The following PPIL6 variants were observed in gnomAD, a reference collection of about 807,000 sequenced individuals.
PPIL6 encodes the protein peptidylprolyl isomerase like 6.
A neutral mutation model predicts 36.8 loss-of-function variants in PPIL6; 39 were observed. That is an observed-to-expected ratio of 1.06 (90% CI 0.82 to 1.38). The LOEUF (loss-of-function observed/expected upper bound fraction) is 1.38, where lower values mean the gene tolerates loss of function less well. Ranked by LOEUF, PPIL6 falls within the 40% of genes most tolerant of loss-of-function variation. The probability of loss-of-function intolerance (pLI) is 0.00; values close to 1 mark genes in which losing one functional copy is unlikely to be tolerated. For missense variants in PPIL6, 368 were observed against 379.1 expected, an observed-to-expected ratio of 0.97 and a Z score of 0.24; for synonymous variants, 123 against 134.1, an observed-to-expected ratio of 0.92 and a Z score of 0.57.
At chr6:109,427,505 T>C (rs2115267315) in intron 3 of PPIL6, among the ~76,000 whole-genome samples, 1 of 152,168 alleles carries the variant, frequency 6.6e-6, no homozygotes, top group East Asian at 1.9e-4. Context: ...CACCGCAGCC[T>C]CTGAAGTAGC....
At chr6:109,402,007 G>C (rs1378332070) in intron 6 of PPIL6, among the ~76,000 whole-genome samples, 1 of 152,046 alleles carries the variant, frequency 6.6e-6, no homozygotes, top group Non-Finnish European at 1.5e-5. Context: ...ACAGGCGTGA[G>C]CCACCGCGCC....
In PPIL6 at chr6:109,440,565, G is replaced by T. The variant is rs754766224; in HGVS notation, c.26C>A (p.Pro9His). The change falls in exon 1 of 8, where the codon CCC (proline) becomes CAC (histidine). Residue 9 changes from proline to histidine, a missense_variant. Physicochemically the swap from Pro to His is moderately conservative, Grantham distance 77 (BLOSUM62 -2). Transcript: ENST00000521072. MARPQPCG[P>H]PHARCGSPSL... ...CGGCGAGCCGCACCTAGCGTGCGGG[G>T]GCCCGCACGGCTGCGGCCTTGCCAT... 6 of 1,444,702 alleles carry T rather than the reference G, an allele frequency of 4.2e-6. No individual in the cohort carries two copies. The highest frequency in any genetic ancestry group is 1.4e-5 in the South Asian group (1 of 72,414). 89.5% of individuals were successfully genotyped at this position (1,444,702 alleles called of 1,614,324 possible).
chr6:109,420,579 C>T (rs1773493158), intron 5 of PPIL6, among the ~76,000 whole-genome samples: 1 of 152,108 alleles, frequency 6.6e-6, no homozygotes. Flanking sequence ...TATCTATCCA[C>T]AGCTAAAAGA....
At chr6:109,428,229 T>C (rs1582586252) in intron 3 of PPIL6, among the ~76,000 whole-genome samples, 1 of 152,120 alleles carries the variant, frequency 6.6e-6, no homozygotes, top group East Asian at 1.9e-4. Flanking sequence ...GCACATTTAA[T>C]GGAGTACATT....
At chr6:109,429,332 C>A (rs1056163713) in intron 3 of PPIL6, among the ~76,000 whole-genome samples, 4 of 152,220 alleles carry the variant, frequency 2.6e-5, no homozygotes, top group African/African-American at 9.6e-5. Context: ...ACGTCATACT[C>A]TTTTATGGAA....
chr6:109,395,683 C>T (rs1456143381), intron 7 of PPIL6, among the ~76,000 whole-genome samples: 1 of 150,818 alleles, frequency 6.6e-6, no homozygotes, highest in East Asian at 2.0e-4. Flanking sequence ...CGGCTCACTG[C>T]AACCTCTGCC....
intron 2 of PPIL6, among the ~76,000 whole-genome samples, chr6:109,434,216 G>A (rs1354859220): frequency 6.6e-6 from 1 of 152,134 alleles, no homozygotes; most frequent in Non-Finnish European, 1.5e-5. Context: ...CTCAGTCCCA[G>A]GCAAACCAGG....
intron 6 of PPIL6, among the ~76,000 whole-genome samples, chr6:109,406,438 G>A (rs1203785364): frequency 3.3e-5 from 5 of 152,086 alleles, no homozygotes; most frequent in Non-Finnish European, 2.9e-5. Flanking sequence ...GAGTCCAGAG[G>A]CTTAGTCAGA....
At chr6:109,440,327 G>C (rs1774750228) in intron 1 of PPIL6, 129 bp downstream of exon 1, 6 of 1,193,688 alleles carry the variant, frequency 5.0e-6, no homozygotes, top group Non-Finnish European at 7.1e-6. Flanking sequence ...GCCAGGACAC[G>C]CCAGCCCCTT....
intron 5 of PPIL6, 57 bp downstream of exon 5, chr6:109,426,790 G>T: frequency 8.3e-7 from 1 of 1,197,924 alleles, no homozygotes; most frequent in Non-Finnish European, 1.2e-6. Context: ...ATAAATGAAA[G>T]TTTGGACCTT....
chr6:109,393,136 A>C (rs1237753535), intron 7 of PPIL6, among the ~76,000 whole-genome samples, 199 bp from the exon 8 acceptor site: 1 of 152,090 alleles, frequency 6.6e-6, no homozygotes, highest in Non-Finnish European at 1.5e-5. Context: ...TCATCCAGGC[A>C]GCTGGCCTCC....
intron 3 of PPIL6, among the ~76,000 whole-genome samples, chr6:109,428,394 A>T (rs1430615711): frequency 6.6e-6 from 1 of 151,942 alleles, no homozygotes; most frequent in Non-Finnish European, 1.5e-5. Context: ...TTACAAAAAA[A>T]TTAAGAAATT....
intron 5 of PPIL6, among the ~76,000 whole-genome samples, chr6:109,420,619 G>A (rs996220288): frequency 2.0e-5 from 3 of 152,068 alleles, no homozygotes; most frequent in African/African-American, 7.2e-5. Flanking sequence ...TGAAAAGAGC[G>A]GGCTCTGAGG....
chr6:109,416,996 C>T, intron 6 of PPIL6, among the ~76,000 whole-genome samples: 1 of 150,760 alleles, frequency 6.6e-6, no homozygotes, highest in East Asian at 2.0e-4. Flanking sequence ...AGCAAGACCC[C>T]ATCTCTACAA....
intron 2 of PPIL6, 75 bp from the exon 3 acceptor site, chr6:109,431,420 G>A (rs1431098789): frequency 9.2e-7 from 1 of 1,081,090 alleles, no homozygotes; most frequent in African/African-American, 1.6e-5. Flanking sequence ...ATAAGCCAGA[G>A]CTTAGGATCA....
intron 6 of PPIL6, among the ~76,000 whole-genome samples, chr6:109,410,927 G>C (rs1255737952): frequency 6.6e-6 from 1 of 152,134 alleles, no homozygotes; most frequent in Non-Finnish European, 1.5e-5. Context: ...TATCTCTCTA[G>C]ACACAATTTC....
intron 6 of PPIL6, among the ~76,000 whole-genome samples, chr6:109,405,473 C>T (rs1772760738): frequency 6.6e-6 from 1 of 152,116 alleles, no homozygotes; most frequent in Non-Finnish European, 1.5e-5. Context: ...AGAATTTCTC[C>T]CAGTCTGGAG....
At chr6:109,414,224 T>C (rs1773138794) in intron 6 of PPIL6, among the ~76,000 whole-genome samples, 1 of 152,180 alleles carries the variant, frequency 6.6e-6, no homozygotes, top group Non-Finnish European at 1.5e-5. Flanking sequence ...CTCATAAAGA[T>C]ACACACCTAC....
intron 5 of PPIL6, among the ~76,000 whole-genome samples, chr6:109,422,237 G>A (rs1773588509): frequency 6.6e-6 from 1 of 152,166 alleles, no homozygotes; most frequent in Non-Finnish European, 1.5e-5. Context: ...CTGCTACTTG[G>A]GAGGCTGAAG....
Sources: allele counts gnomAD v4.1 joint callset (sites outside exome capture counted in the v4.1 genomes callset), GRCh38; gene constraint gnomAD v4.1.1; transcripts MANE v1.5; gene names NCBI Gene and HGNC (gene_info 2026-07-23, HGNC 2026-07-21).